ADCK1: variants seen among roughly 807,000 people sequenced by gnomAD.
ADCK1 encodes aarF domain-containing protein kinase 1.
ADCK1 carries 41 observed loss-of-function variants against 52.3 expected under a neutral mutation model. The observed-to-expected ratio is 0.78, with a 90% CI of 0.61 to 1.02. ADCK1 has a LOEUF of 1.02. Among genes scored for constraint, ADCK1 ranks in the 50% least tolerant of loss-of-function variants. The pLI is 0.00. For synonymous variants in ADCK1, 250 were observed against 274.6 expected (o/e 0.91, Z 0.89); for missense variants, 658 against 679.5 (o/e 0.97, Z 0.35).
In ADCK1 at chr14:77,846,107, C is replaced by T. The variant is rs984082631; in HGVS notation, c.220-12969C>T. 1.1e-4 allele frequency among the ~76,000 whole-genome samples: 16 copies of T among 152,138 alleles called. 1 individual carries two copies. Among genetic ancestry groups the T allele is most frequent in the Admixed American group, 6.5e-5 (1 of 15,270 alleles). ...AGCTGCCACATGGGGCCTCTCTTGGCCATTTTGCTTAGTTGCTCCTCTGAC... is the reference window on the plus strand; with the variant it reads ...AGCTGCCACATGGGGCCTCTCTTGGTCATTTTGCTTAGTTGCTCCTCTGAC... On this transcript the variant is annotated intron_variant, in intron 3 of 10. Coordinates refer to ENST00000238561, the MANE Select transcript of ADCK1 (RefSeq NM_020421.4).
chr14:77,889,534 G>A (rs1157159764), intron 5 of ADCK1, among the ~76,000 whole-genome samples: 4 of 152,168 alleles, frequency 2.6e-5, no homozygotes, highest in East Asian at 3.9e-4. Context: ...AGTGGGAGCT[G>A]CAGATGCTGT....
chr14:77,884,280 T>C (rs1370814102), intron 4 of ADCK1, among the ~76,000 whole-genome samples: 4 of 152,176 alleles, frequency 2.6e-5, no homozygotes, highest in Non-Finnish European at 5.9e-5. Flanking sequence ...ACAGCTCTGC[T>C]CCAGAAAACC....
At chr14:77,817,533 G>A (rs2140024579) in intron 1 of ADCK1, among the ~76,000 whole-genome samples, 1 of 152,310 alleles carries the variant, frequency 6.6e-6, no homozygotes, top group Middle Eastern at 3.4e-3. Flanking sequence ...AAGAGTGACT[G>A]TGCAGCCACC....
intron 3 of ADCK1, among the ~76,000 whole-genome samples, chr14:77,843,838 G>A (rs751239057): frequency 6.6e-6 from 1 of 152,056 alleles, no homozygotes; most frequent in African/African-American, 2.4e-5. Flanking sequence ...AGTATCCTTG[G>A]CAGCTGTGTT....
chr14:77,926,766 C>A (rs2084206312), intron 9 of ADCK1, among the ~76,000 whole-genome samples: 1 of 152,160 alleles, frequency 6.6e-6, no homozygotes, highest in Non-Finnish European at 1.5e-5. Flanking sequence ...CTCATGGAGT[C>A]TGGGCTGGGA....
intron 3 of ADCK1, among the ~76,000 whole-genome samples, chr14:77,822,814 G>A (rs770101533): frequency 6.6e-6 from 1 of 152,178 alleles, no homozygotes; most frequent in Non-Finnish European, 1.5e-5. Context: ...AGAGGTTTCA[G>A]TGCTTCTGAG....
At chr14:77,845,621 CACCATGTTG>C (rs1437829349) in intron 3 of ADCK1, among the ~76,000 whole-genome samples, 1 of 152,154 alleles carries the variant, frequency 6.6e-6, no homozygotes, top group African/African-American at 2.4e-5. Flanking sequence ...GATGAGGTTT[CACCATGTTG>C]ACCAGGTTGG....
At chr14:77,852,131 T>C (rs1357939464) in intron 3 of ADCK1, among the ~76,000 whole-genome samples, 1 of 152,124 alleles carries the variant, frequency 6.6e-6, no homozygotes, top group Non-Finnish European at 1.5e-5. Context: ...CCAGAGTAGC[T>C]GGGACTACAG....
Position 77,933,388 on chromosome 14 carries a change from C to T in ADCK1, c.1569C>T (p.Leu523=). 1 of 1,613,956 alleles carries T rather than the reference C, an allele frequency of 6.2e-7. No individual in the cohort carries two copies. The highest frequency in any genetic ancestry group is 8.5e-7 in the Non-Finnish European group (1 of 1,179,978). Residue 523 remains leucine (L), a synonymous_variant, in exon 11 of 11, where the codon CTC becomes CTT. Coordinates refer to ENST00000238561, the MANE Select transcript of ADCK1 (RefSeq NM_020421.4). The stretch of plus-strand genomic sequence containing the variant: ...TATGCTGGCTGTTCCCTGCTCCACT[C>T]TGAGTGGAATTGCTCTCCCTGCCCC... ...ALICWLFPAP[L]
intron 3 of ADCK1, among the ~76,000 whole-genome samples, chr14:77,845,631 A>G (rs973728451): frequency 1.3e-5 from 2 of 151,976 alleles, no homozygotes; most frequent in African/African-American, 4.8e-5. Flanking sequence ...CACCATGTTG[A>G]CCAGGTTGGT....
chr14:77,894,666 A>G lies in ADCK1; in HGVS notation c.583-4434A>G, dbSNP rs185920128. Reference sequence around the variant, plus strand: ...GGCATGTAGTAGGAACTAAATAATGATAATTCCCCTTCTCTTTTGCTATTG... The same window carrying G: ...GGCATGTAGTAGGAACTAAATAATGGTAATTCCCCTTCTCTTTTGCTATTG... On this transcript the variant is annotated intron_variant, in intron 5 of 10. Transcript: ENST00000238561. 3.3e-5 allele frequency among the ~76,000 whole-genome samples: 5 copies of G among 149,884 alleles called. No homozygotes were observed. The East Asian group carries it at 9.8e-4, about 29-fold the overall frequency.
chr14:77,922,602 T>C (rs2084087758), intron 7 of ADCK1, among the ~76,000 whole-genome samples: 2 of 152,132 alleles, frequency 1.3e-5, no homozygotes, highest in South Asian at 4.1e-4. Flanking sequence ...ATAAGGAACT[T>C]GTTTAAGGTC....
intron 7 of ADCK1, among the ~76,000 whole-genome samples, chr14:77,912,112 A>G (rs963071661): frequency 6.6e-6 from 1 of 152,182 alleles, no homozygotes; most frequent in Admixed American, 6.5e-5. Flanking sequence ...TTTGTCATCA[A>G]TGTGGGGCTC....
chr14:77,853,002 T>G (rs568589205), intron 3 of ADCK1, among the ~76,000 whole-genome samples: 136 of 142,452 alleles, frequency 9.5e-4, no homozygotes, highest in African/African-American at 3.5e-3. Flanking sequence ...ATCGTCCCCC[T>G]TGGCCTCCCA....
chr14:77,864,902 A>C (rs1449351199), intron 4 of ADCK1, among the ~76,000 whole-genome samples: 1 of 152,146 alleles, frequency 6.6e-6, no homozygotes, highest in South Asian at 2.1e-4. Context: ...AGGTCAGTCT[A>C]TGTTCTGTTC....
chr14:77,846,711 G>C (rs889704328), intron 3 of ADCK1, among the ~76,000 whole-genome samples: 1 of 152,168 alleles, frequency 6.6e-6, no homozygotes, highest in African/African-American at 2.4e-5. Context: ...ACTGGGGAAC[G>C]GTCAAGTCAT....
At chr14:77,921,357 A>T (rs549174355) in intron 7 of ADCK1, among the ~76,000 whole-genome samples, 2 of 147,662 alleles carry the variant, frequency 1.4e-5, no homozygotes, top group African/African-American at 2.5e-5. Flanking sequence ...AAGAAAAAAA[A>T]GTTAAGCTAC....
chr14:77,817,828 C>T (rs543842359), intron 1 of ADCK1, among the ~76,000 whole-genome samples: 4 of 152,026 alleles, frequency 2.6e-5, no homozygotes, highest in South Asian at 2.1e-4. Flanking sequence ...CTCCGCCTTC[C>T]GGGTTCACGC....
At chr14:77,875,313 T>C (rs1271916809) in intron 4 of ADCK1, among the ~76,000 whole-genome samples, 1 of 152,162 alleles carries the variant, frequency 6.6e-6, no homozygotes, top group Non-Finnish European at 1.5e-5. Flanking sequence ...TAGCAGGTCA[T>C]CCTACTGGCA....
Sources: gnomAD v4.1 joint callset for allele counts (sites outside exome capture counted in the v4.1 genomes callset) on GRCh38, gnomAD v4.1.1 for gene constraint, MANE v1.5 for transcripts, NCBI Gene and HGNC (gene_info 2026-07-23, HGNC 2026-07-21) for gene names.